Variants in HCRTR1 observed in about 807,000 individuals in gnomAD.
The protein encoded by HCRTR1 is hypocretin receptor 1, also known as orexin/Hypocretin receptor type 1.
HCRTR1 carries 28 observed loss-of-function variants against 40.6 expected under a neutral mutation model. That is an observed-to-expected ratio of 0.69 (90% CI 0.51 to 0.95). HCRTR1 has a LOEUF of 0.95. Among genes scored for constraint, HCRTR1 ranks in the 40% least tolerant of loss-of-function variants. HCRTR1 has a pLI of 0.00. For missense variants in HCRTR1, 482 were observed against 564.7 expected (o/e 0.85, Z 1.48); for synonymous variants, 209 against 230.0 (o/e 0.91, Z 0.83).
At chr1:31,628,033 C>T (rs899624654), downstream of HCRTR1, among the ~76,000 whole-genome samples, 10 of 147,088 alleles carry the variant, frequency 6.8e-5, no homozygotes, top group Non-Finnish European at 1.2e-4. Context: ...CGTCTGCCAC[C>T]GAGATTTTAA....
downstream of HCRTR1, chr1:31,630,426 G>GCCC (rs1640061889): frequency 1.6e-6 from 1 of 641,632 alleles, no homozygotes; most frequent in Admixed American, 2.8e-5. Flanking sequence ...TGTGGCCTCA[G>GCCC]CCCCGGTCCT....
At position 31,625,846 on chromosome 1, in the gene HCRTR1, C is replaced by G. The variant is rs1639966036; in HGVS notation, c.1087+728C>G. Among the ~76,000 whole-genome samples the G allele has an allele frequency of 6.6e-6, 1 of 152,084 alleles. No homozygotes were observed. The highest frequency in any genetic ancestry group is 6.5e-5 in the Admixed American group (1 of 15,270). On this transcript the variant is annotated intron_variant, in intron 8 of 8. Transcript: ENST00000403528. The surrounding 1 kb of genome is among the most constrained non-coding windows in gnomAD (Gnocchi z 4.2). The stretch of plus-strand genomic sequence containing the variant: ...GAACAGGTCCAGATGACTGTTGAAG[C>G]CTGGACAGAAATAATCTTTGAGGAA...
intron 7 of HCRTR1, 44 bp from the exon 8 acceptor site, chr1:31,624,953 T>TA (rs1639943105): frequency 1.9e-6 from 3 of 1,545,864 alleles, no homozygotes; most frequent in Non-Finnish European, 1.8e-6. Context: ...AGTACATGCA[T>TA]ACGCAGCTAC....
chr1:31,619,260 T>C lies in HCRTR1; in HGVS notation c.68T>C (p.Val23Ala), dbSNP rs11806980. ...CCTGGCAGCAGAGAGCCGTCCCCTG[T>C]GCCTCCAGACTATGAAGATGAGTTT... ...VPPGSREPSP[V>A]PPDYEDEFLR... The change falls in exon 3 of 9, where the codon GTG becomes GCG. Residue 23 changes from valine to alanine, a missense_variant. Val to Ala is a moderately conservative substitution (Grantham distance 64). Coordinates refer to ENST00000403528, the MANE Select transcript of HCRTR1 (RefSeq NM_001525.3). 7.5e-3 allele frequency: 12,157 copies of C among 1,613,964 alleles called. 735 individuals are homozygous for C. The African/African-American group carries it at 0.14, about 19-fold the overall frequency.
intron 7 of HCRTR1, among the ~76,000 whole-genome samples, chr1:31,624,733 G>T (rs1639937278): frequency 6.6e-6 from 1 of 152,194 alleles, no homozygotes; most frequent in African/African-American, 2.4e-5. Context: ...ATGTTGCTGT[G>T]AGGATGGATG....
downstream of HCRTR1, chr1:31,633,323 AG>A (rs769549190): frequency 6.2e-7 from 1 of 1,604,228 alleles, no homozygotes; most frequent in South Asian, 1.1e-5. Flanking sequence ...ACCTGGAGGA[AG>A]GGGTGTGAAG....
Position 31,626,682 on chromosome 1 carries a change from G to GC in HCRTR1, c.1088-103dup, listed in dbSNP as rs950866107. ...CAGCTCTATCCCTCCCTCCCTCCCC[G>GC]CCCCCTCATAGGCAGCTTGGCTGGA... On this transcript the variant is annotated intron_variant, in intron 8 of 8. Transcript: ENST00000403528. The surrounding 1 kb of genome is among the most constrained non-coding windows in gnomAD (Gnocchi z 4.6). 1.1e-5 allele frequency: 3 copies of GC among 265,020 alleles called. No individual in the cohort carries two copies. The highest frequency in any genetic ancestry group is 7.6e-5 in the South Asian group (2 of 26,230). The allele number at this position is 265,020 out of a possible 1,614,324, so 16.4% of individuals were successfully genotyped here. A position where few individuals can be genotyped will look rare whatever the true frequency, so the allele number is the denominator to read the frequency against.
At chr1:31,627,748 C>T (rs763154091), downstream of HCRTR1, 10 of 221,492 alleles carry the variant, frequency 4.5e-5, 1 homozygote, top group South Asian at 6.1e-4. Flanking sequence ...CCCCACCACA[C>T]GGGATCCCAG....
chr1:31,627,400 C>T lies in HCRTR1; in HGVS notation c.*420C>T. 2 of 1,261,656 alleles carry T rather than the reference C, an allele frequency of 1.6e-6. No individual in the cohort carries two copies. The highest frequency in any genetic ancestry group is 1.0e-6 in the Non-Finnish European group (1 of 962,142). 78.2% of individuals were successfully genotyped at this position (1,261,656 alleles called of 1,614,324 possible). On this transcript the variant is annotated 3_prime_UTR_variant, in exon 9 of 9. Transcript: ENST00000403528. ...CATGGCTCCCTGAAGCCCAGGGCTG[C>T]ACTTGGCCAGCTGTTCTGATGCCTG...
At chr1:31,624,339 G>C (rs1639927296) in intron 7 of HCRTR1, among the ~76,000 whole-genome samples, 1 of 148,974 alleles carries the variant, frequency 6.7e-6, no homozygotes, top group African/African-American at 2.5e-5. Flanking sequence ...TGTGCCTGTA[G>C]TTCTAGCTAC....
chr1:31,619,715 G>A lies in HCRTR1; in HGVS notation c.378+5G>A, dbSNP rs1227535518. ...AAGGTCATCCCCTATCTACAGGTGAGCTCTGCCCAGGCACCCCTCACCACT... is the reference window on the plus strand; with the variant it reads ...AAGGTCATCCCCTATCTACAGGTGAACTCTGCCCAGGCACCCCTCACCACT... On this transcript the variant is annotated splice_donor_5th_base_variant and intron_variant, in intron 4 of 8. Coordinates refer to ENST00000403528, the MANE Select transcript of HCRTR1 (RefSeq NM_001525.3). The A allele has an allele frequency of 6.3e-7, 1 of 1,585,546 alleles. No homozygotes were observed. The highest frequency in any genetic ancestry group is 8.6e-7 in the Non-Finnish European group (1 of 1,163,030).
chr1:31,632,706 C>T, downstream of HCRTR1: 1 of 1,542,808 alleles, frequency 6.5e-7, no homozygotes, highest in African/African-American at 1.4e-5. Context: ...CCCCTCAGGA[C>T]CCATTGAGGC....
rs1026763137 is a variant in HCRTR1, at chr1:31,626,632, G to A, written c.1088-158G>A. Among the ~76,000 whole-genome samples the A allele has an allele frequency of 2.0e-5, 3 of 152,080 alleles. No individual in the cohort carries two copies. Among genetic ancestry groups the A allele is most frequent in the Non-Finnish European group, 2.9e-5 (2 of 68,004 alleles). On this transcript the variant is annotated intron_variant, in intron 8 of 8. Coordinates refer to ENST00000403528, the MANE Select transcript of HCRTR1 (RefSeq NM_001525.3). The surrounding 1 kb of genome is among the most constrained non-coding windows in gnomAD (Gnocchi z 4.6). ...TCTGTCCTCTCTCTCTGGCGGTGCC[G>A]AGGTTGCCTCAGGGCTCTCCCTCCC...
At chr1:31,632,417 C>A, downstream of HCRTR1, 1 of 1,602,858 alleles carries the variant, frequency 6.2e-7, no homozygotes, top group Non-Finnish European at 8.5e-7. Context: ...CAAGAGGAAA[C>A]CCCTTTGTTG....
downstream of HCRTR1, chr1:31,633,231 T>TCA: frequency 1.2e-6 from 2 of 1,614,080 alleles, no homozygotes; most frequent in Non-Finnish European, 1.7e-6. Flanking sequence ...TTTAGCTCCT[T>TCA]CATGGAGATA....
At position 31,626,923 on chromosome 1, in the gene HCRTR1, C is replaced by T. The variant is rs545520186; in HGVS notation, c.1221C>T (p.Ser407=). 1.1e-5 allele frequency: 18 copies of T among 1,613,902 alleles called. No individual in the cohort carries two copies. The highest frequency in any genetic ancestry group is 1.7e-5 in the Admixed American group (1 of 60,026). The change falls in exon 9 of 9, where the codon TCC becomes TCT. Residue 407 remains serine (S), a synonymous_variant. Transcript: ENST00000403528. The surrounding 1 kb of genome is among the most constrained non-coding windows in gnomAD (Gnocchi z 4.6). ...HKSLSLQSRC[S]ISKISEHVVL... ...CCTTGTCCTTGCAGAGCCGATGCTCCATCTCCAAAATCTCTGAGCATGTGG... is the reference window on the plus strand; with the variant it reads ...CCTTGTCCTTGCAGAGCCGATGCTCTATCTCCAAAATCTCTGAGCATGTGG...
downstream of HCRTR1, among the ~76,000 whole-genome samples, chr1:31,629,588 G>C (rs1640038926): frequency 6.6e-6 from 1 of 152,192 alleles, no homozygotes; most frequent in Admixed American, 6.5e-5. Context: ...TGAAGTTTGA[G>C]GTAGCTGCTT....
At chr1:31,634,245 G>C (rs1214407242), downstream of HCRTR1, among the ~76,000 whole-genome samples, 3 of 152,226 alleles carry the variant, frequency 2.0e-5, no homozygotes, top group African/African-American at 7.2e-5. Flanking sequence ...CACAGCCCCA[G>C]GGCAGGAGAG....
At chr1:31,629,729 G>A (rs1282765115), downstream of HCRTR1, 27 of 152,294 alleles carry the variant, frequency 1.8e-4, no homozygotes. Flanking sequence ...TGGCAGTGGA[G>A]AGGAGCCCCA....
Sources: gnomAD v4.1 joint callset for allele counts (sites outside exome capture counted in the v4.1 genomes callset) on GRCh38, gnomAD v4.1.1 for gene constraint, Gnocchi (gnomAD v3.1) non-coding constraint, MANE v1.5 for transcripts, NCBI Gene and HGNC (gene_info 2026-07-23, HGNC 2026-07-21) for gene names.